PITPNB: variants seen among roughly 807,000 people sequenced by gnomAD.
The protein encoded by PITPNB is phosphatidylinositol transfer protein beta isoform.
A neutral mutation model predicts 45.9 loss-of-function variants in PITPNB; 16 were observed. The observed-to-expected ratio is 0.35, with a 90% CI of 0.24 to 0.53. The LOEUF is 0.53. PITPNB is among the 20% of genes least tolerant of loss of function. PITPNB has a pLI of 0.93. For synonymous variants in PITPNB, 112 were observed against 108.9 expected (o/e 1.03, Z -0.18); for missense variants, 188 against 330.5 (o/e 0.57, Z 3.34).
intron 8 of PITPNB, among the ~76,000 whole-genome samples, chr22:27,864,254 G>A (rs1456052248): frequency 6.6e-6 from 1 of 152,120 alleles, no homozygotes; most frequent in Non-Finnish European, 1.5e-5. Flanking sequence ...TTAAATGTGA[G>A]CTACAGTTAT....
intron 8 of PITPNB, among the ~76,000 whole-genome samples, chr22:27,869,505 T>TA (rs750400309): frequency 2.0e-5 from 3 of 150,904 alleles, no homozygotes; most frequent in Non-Finnish European, 4.4e-5. Flanking sequence ...CATGACCAAA[T>TA]AAAATCACTC....
intron 7 of PITPNB, among the ~76,000 whole-genome samples, chr22:27,881,755 G>C (rs1934979531): frequency 1.4e-5 from 2 of 141,502 alleles, no homozygotes; most frequent in South Asian, 4.6e-4. Context: ...CTGTGAGAGA[G>C]AACCAAAAGG....
intron 8 of PITPNB, among the ~76,000 whole-genome samples, chr22:27,866,276 C>T (rs1165681508): frequency 6.6e-6 from 1 of 152,134 alleles, no homozygotes; most frequent in Non-Finnish European, 1.5e-5. Flanking sequence ...TTTGTATATT[C>T]ACTGAATTCC....
chr22:27,891,890 C>G (rs1935290938), intron 7 of PITPNB, among the ~76,000 whole-genome samples: 1 of 152,188 alleles, frequency 6.6e-6, no homozygotes, highest in African/African-American at 2.4e-5. Context: ...TATAATTACT[C>G]TCATTTTACA....
chr22:27,870,380 G>A (rs1243677126), intron 8 of PITPNB, among the ~76,000 whole-genome samples: 3 of 152,194 alleles, frequency 2.0e-5, no homozygotes, highest in Admixed American at 1.3e-4. Context: ...CATCAGACAA[G>A]TAAGGAAAAG....
intron 7 of PITPNB, among the ~76,000 whole-genome samples, chr22:27,880,121 T>C (rs955746516): frequency 5.3e-5 from 8 of 152,078 alleles, no homozygotes; most frequent in African/African-American, 1.7e-4. Flanking sequence ...TCACCACCAC[T>C]AGGGGCAGGG....
At chr22:27,909,235 G>C (rs370472846) in intron 3 of PITPNB, among the ~76,000 whole-genome samples, 1 of 30,138 alleles carries the variant, frequency 3.3e-5, no homozygotes, top group African/African-American at 1.3e-4. Flanking sequence ...TTTTTGGCTT[G>C]TTTCTTCTTT....
intron 5 of PITPNB, 162 bp from the exon 6 acceptor site, chr22:27,896,788 G>C (rs967429937): frequency 3.2e-6 from 2 of 616,288 alleles, no homozygotes. Flanking sequence ...TTATAGACTT[G>C]TCAGGCAAAC....
chr22:27,863,411 T>C (rs1013700653), intron 8 of PITPNB, among the ~76,000 whole-genome samples: 9 of 152,198 alleles, frequency 5.9e-5, no homozygotes, highest in Non-Finnish European at 1.0e-4. Flanking sequence ...TGACTTGTCC[T>C]AAAACTTCCT....
At chr22:27,865,618 G>C (rs1195121752) in intron 8 of PITPNB, among the ~76,000 whole-genome samples, 1 of 152,170 alleles carries the variant, frequency 6.6e-6, no homozygotes, top group Non-Finnish European at 1.5e-5. Flanking sequence ...AGAAGTTCCA[G>C]CGTCTCTGCC....
intron 8 of PITPNB, among the ~76,000 whole-genome samples, chr22:27,868,078 C>T (rs1934535907): frequency 6.6e-6 from 1 of 152,176 alleles, no homozygotes; most frequent in Non-Finnish European, 1.5e-5. Context: ...AAACTAATTA[C>T]TAAGCCTCTT....
chr22:27,917,725 G>A (rs1254082136), intron 1 of PITPNB, among the ~76,000 whole-genome samples: 2 of 152,168 alleles, frequency 1.3e-5, no homozygotes, highest in Non-Finnish European at 1.5e-5. Flanking sequence ...GGGGATATGA[G>A]AGTGAGCAAA....
intron 7 of PITPNB, among the ~76,000 whole-genome samples, chr22:27,884,027 T>C (rs773605145): frequency 2.2e-4 from 33 of 152,214 alleles, no homozygotes; most frequent in South Asian, 1.2e-3. Context: ...ACAGCTTTGC[T>C]GCAGAAGCTG....
intron 3 of PITPNB, 163 bp from the exon 4 acceptor site, chr22:27,898,055 A>C: frequency 3.4e-6 from 2 of 588,776 alleles, no homozygotes. Context: ...ATGAACACAT[A>C]ATTTTTTACA....
Position 27,870,201 on chromosome 22 carries a change from G to A in PITPNB, c.534+3537C>T, listed in dbSNP as rs538811732. 9.9e-5 allele frequency among the ~76,000 whole-genome samples: 15 copies of A among 152,272 alleles called. No individual in the cohort carries two copies. The South Asian group carries it at 3.1e-3, about 32-fold the overall frequency. Reference sequence around the variant, plus strand: ...CTATTACATGTGTTTCTCTGCCCAAGTTTCTCAACTATATAAAATAAAGCA... The same window carrying A: ...CTATTACATGTGTTTCTCTGCCCAAATTTCTCAACTATATAAAATAAAGCA... On this transcript the variant is annotated intron_variant, in intron 8 of 11. Transcript: ENST00000335272.
At position 27,851,906 on chromosome 22, in the gene PITPNB, G is replaced by C. The variant is rs1934030938; in HGVS notation, c.*1796C>G. On this transcript the variant is annotated 3_prime_UTR_variant, in exon 12 of 12. Transcript: ENST00000335272. ...GAGAGTTAAGTTCATTAAAAGGAGA[G>C]GGCTAGACTCTTTATTTCACAAAAT... is the stretch of plus-strand genomic sequence containing the variant. 2.0e-5 allele frequency: 3 copies of C among 152,130 alleles called. No homozygotes were observed. In the South Asian group the frequency reaches 6.2e-4, roughly 31 times the overall value. 9.4% of individuals were successfully genotyped at this position (152,130 alleles called of 1,614,324 possible).
chr22:27,878,719 A>T (rs1304718171), intron 7 of PITPNB, among the ~76,000 whole-genome samples: 1 of 152,228 alleles, frequency 6.6e-6, no homozygotes, highest in Non-Finnish European at 1.5e-5. Flanking sequence ...AGGGCTGTTT[A>T]AACAGTTCAG....
intron 7 of PITPNB, among the ~76,000 whole-genome samples, chr22:27,888,646 C>G (rs1881880662): frequency 6.6e-6 from 1 of 152,172 alleles, no homozygotes; most frequent in African/African-American, 2.4e-5. Flanking sequence ...CAAAACACAC[C>G]AATGAAATGA....
intron 5 of PITPNB, 32 bp from the exon 6 acceptor site, chr22:27,896,658 A>C (rs750620064): frequency 6.9e-7 from 1 of 1,443,192 alleles, no homozygotes; most frequent in South Asian, 1.1e-5. Flanking sequence ...AATGACAGTG[A>C]TCTTCTACCT....
Sources: gnomAD v4.1 joint callset for allele counts (sites outside exome capture counted in the v4.1 genomes callset) on GRCh38, gnomAD v4.1.1 for gene constraint, MANE v1.5 for transcripts, NCBI Gene and HGNC (gene_info 2026-07-23, HGNC 2026-07-21) for gene names.